The following ERMAP variants were observed in gnomAD, a reference collection of about 807,000 sequenced individuals.
The protein encoded by ERMAP is erythroblast membrane associated protein (Scianna blood group).
In ERMAP, 34 loss-of-function variants were observed where a neutral mutation model predicts 49.5. That is an observed-to-expected ratio of 0.69 (90% CI 0.52 to 0.91). The LOEUF (loss-of-function observed/expected upper bound fraction) is 0.91, where lower values mean the gene tolerates loss of function less well. Among genes scored for constraint, ERMAP ranks in the 40% least tolerant of loss-of-function variants. The pLI is 0.00. For synonymous variants in ERMAP, 214 were observed against 232.2 expected (o/e 0.92, Z 0.71); for missense variants, 541 against 582.6 (o/e 0.93, Z 0.74).
chr1:42,836,608 C>T (rs1489338134), intron 6 of ERMAP, among the ~76,000 whole-genome samples: 4 of 152,150 alleles, frequency 2.6e-5, no homozygotes, highest in Non-Finnish European at 4.4e-5. Context: ...GTAATCCTAG[C>T]ACTTTGGGAG....
Position 42,843,307 on chromosome 1 carries a change from T to C in ERMAP, c.*75T>C. ...ACTTCAGTCGCCTGGCCCAACCCCA[T>C]GATTATGGAACGTCTCTTCACCTTA... On this transcript the variant is annotated 3_prime_UTR_variant, in exon 12 of 12. Transcript: ENST00000372517. 9.1e-7 allele frequency: 1 copy of C among 1,099,082 alleles called. No homozygotes were observed. The highest frequency in any genetic ancestry group is 1.3e-6 in the Non-Finnish European group (1 of 775,838). 68.1% of individuals were successfully genotyped at this position (1,099,082 alleles called of 1,614,324 possible). A position where few individuals can be genotyped will look rare whatever the true frequency, so the allele number is the denominator to read the frequency against.
At chr1:42,823,086 A>C (rs1654444260) in intron 1 of ERMAP, among the ~76,000 whole-genome samples, 1 of 152,202 alleles carries the variant, frequency 6.6e-6, no homozygotes, top group Admixed American at 6.5e-5. Context: ...GAAAAGGAGC[A>C]TTTCAGTAGC....
chr1:42,823,910 T>A (rs1390939623), intron 1 of ERMAP, among the ~76,000 whole-genome samples: 2 of 152,200 alleles, frequency 1.3e-5, no homozygotes, highest in African/African-American at 4.8e-5. Flanking sequence ...AAAAGGCAAA[T>A]AACGTCTTTA....
chr1:42,820,500 C>T (rs1365887127), intron 1 of ERMAP, among the ~76,000 whole-genome samples: 1 of 151,184 alleles, frequency 6.6e-6, no homozygotes, highest in Admixed American at 6.6e-5. Context: ...ACTCAGATTA[C>T]AGGCATGAGC....
At chr1:42,835,589 ACT>A (rs1189119590) in intron 5 of ERMAP, 141 bp from the exon 6 acceptor site, 4 of 1,050,640 alleles carry the variant, frequency 3.8e-6, no homozygotes, top group African/African-American at 3.3e-5. Context: ...TGGTTTGAAG[ACT>A]CTCTAATCCT....
At chr1:42,835,841 T>A (rs776297208) in intron 6 of ERMAP, 77 bp downstream of exon 6, 2 of 1,530,092 alleles carry the variant, frequency 1.3e-6, no homozygotes, top group African/African-American at 2.8e-5. Flanking sequence ...CCCACTAACC[T>A]GGATTCTGTT....
In ERMAP at chr1:42,838,890, C is replaced by T. The variant is rs530683768; in HGVS notation, c.617-11C>T. Reference sequence around the variant, plus strand: ...TGATCACTCACTCTTCTCTCTCTTTCTGGTTTTTAGGAAAACTCCATAAAG... The same window carrying T: ...TGATCACTCACTCTTCTCTCTCTTTTTGGTTTTTAGGAAAACTCCATAAAG... On this transcript the variant is annotated splice_polypyrimidine_tract_variant and intron_variant, in intron 7 of 11. Coordinates refer to ENST00000372517, the MANE Select transcript of ERMAP (RefSeq NM_001017922.2). 1 of 1,614,164 alleles carries T rather than the reference C, an allele frequency of 6.2e-7. No individual in the cohort carries two copies. The highest frequency in any genetic ancestry group is 2.2e-5 in the East Asian group (1 of 44,890).
chr1:42,827,062 C>T (rs960878349), intron 2 of ERMAP, among the ~76,000 whole-genome samples: 1 of 152,098 alleles, frequency 6.6e-6, no homozygotes, highest in Non-Finnish European at 1.5e-5. Context: ...AATTCTATGT[C>T]CATGATGGAA....
At chr1:42,831,648 A>G (rs536280703) in intron 4 of ERMAP, among the ~76,000 whole-genome samples, 11 of 139,290 alleles carry the variant, frequency 7.9e-5, no homozygotes, top group Admixed American at 4.9e-4. Flanking sequence ...CAGTAGTGCA[A>G]TCATAGCTCA....
chr1:42,825,833 A>T lies in ERMAP; in HGVS notation c.-6+95A>T, dbSNP rs577374956. 3.1e-4 allele frequency: 380 copies of T among 1,235,376 alleles called. 8 individuals carry two copies. In the South Asian group the frequency reaches 5.0e-3, roughly 16 times the overall value. The allele number at this position is 1,235,376 out of a possible 1,614,324, so 76.5% of individuals were successfully genotyped here. On this transcript the variant is annotated intron_variant, in intron 2 of 11. Transcript: ENST00000372517. Reference sequence around the variant, plus strand: ...GAAATAATCCCCTTTCTCCTTACGCACAAGAACATTTTCAAGGGTGAAATG... The same window carrying T: ...GAAATAATCCCCTTTCTCCTTACGCTCAAGAACATTTTCAAGGGTGAAATG...
chr1:42,834,748 G>GT (rs1328620310), intron 4 of ERMAP: 17 of 299,352 alleles, frequency 5.7e-5, no homozygotes, highest in African/African-American at 3.7e-4. Context: ...TAGACACGGA[G>GT]TTTCCCCACA....
In ERMAP at chr1:42,825,695, A is replaced by C. The variant is rs1654523848; in HGVS notation, c.-49A>C. The C allele has an allele frequency of 3.1e-6, 4 of 1,289,244 alleles. No homozygotes were observed. In the African/African-American group the frequency reaches 6.1e-5, roughly 20 times the overall value. The allele number at this position is 1,289,244 out of a possible 1,614,324, so 79.9% of individuals were successfully genotyped here. ...GGAGTGTTCCCAGCTTGCAAACTCCAGCTTTGCCTGTGAGAGGAACAAGCG... is the reference window on the plus strand; with the variant it reads ...GGAGTGTTCCCAGCTTGCAAACTCCCGCTTTGCCTGTGAGAGGAACAAGCG... On this transcript the variant is annotated 5_prime_UTR_variant, in exon 2 of 12. Transcript: ENST00000372517.
At chr1:42,825,805 A>G in intron 2 of ERMAP, 67 bp downstream of exon 2, 1 of 1,284,788 alleles carries the variant, frequency 7.8e-7, no homozygotes, top group Admixed American at 2.3e-5. Context: ...CAGGTTTAGT[A>G]GAGAAATAAT....
chr1:42,832,179 ATTTTTTTTTTTTTT>A (rs75673269), intron 4 of ERMAP, among the ~76,000 whole-genome samples: 10 of 96,704 alleles, frequency 1.0e-4, no homozygotes, highest in Admixed American at 1.2e-4. Context: ...GTGAAAATTA[ATTTTTTTTTTTTTT>A]TTTTTTTTTT....
intron 1 of ERMAP, among the ~76,000 whole-genome samples, chr1:42,822,563 A>G (rs1338375096): frequency 6.6e-6 from 1 of 152,258 alleles, no homozygotes; most frequent in African/African-American, 2.4e-5. Flanking sequence ...ATGTGTAGTG[A>G]TCAGATCAGG....
chr1:42,842,949 C>T lies in ERMAP; in HGVS notation c.1145C>T (p.Thr382Ile). 6.2e-7 allele frequency: 1 copy of T among 1,614,222 alleles called. No individual in the cohort carries two copies. Among genetic ancestry groups the T allele is most frequent in the Non-Finnish European group, 8.5e-7 (1 of 1,180,036 alleles). Reference sequence around the variant, plus strand: ...GTGACCAACAAGTCCCACATCTTTACTTTCACCCACAATTTCTCTGGCCCC... The same window carrying T: ...GTGACCAACAAGTCCCACATCTTTATTTTCACCCACAATTTCTCTGGCCCC... ...YNVTNKSHIF[T>I]FTHNFSGPLR... The change falls in exon 12 of 12, where the codon ACT (threonine) becomes ATT (isoleucine). Residue 382 changes from threonine (T) to isoleucine (I), a missense_variant. By Grantham distance (89) the Thr-to-Ile change is moderately conservative. Coordinates refer to ENST00000372517, the MANE Select transcript of ERMAP (RefSeq NM_001017922.2).
At chr1:42,828,067 A>G (rs945289003) in intron 2 of ERMAP, among the ~76,000 whole-genome samples, 5 of 151,844 alleles carry the variant, frequency 3.3e-5, no homozygotes, top group Admixed American at 1.3e-4. Flanking sequence ...ACAGCCATTA[A>G]TAGGATGTTG....
intron 6 of ERMAP, chr1:42,836,843 T>TA (rs1275951195): frequency 4.9e-5 from 11 of 222,624 alleles, no homozygotes; most frequent in East Asian, 4.5e-4. Context: ...GGCAGATTTT[T>TA]AAAAAAAATC....
Position 42,825,733 on chromosome 1 carries a change from A to C in ERMAP, c.-11A>C, listed in dbSNP as rs1010902698. 1.2e-5 allele frequency: 16 copies of C among 1,289,260 alleles called. No homozygotes were observed. Among genetic ancestry groups the C allele is most frequent in the Middle Eastern group, 2.1e-4 (1 of 4,718 alleles). The allele number at this position is 1,289,260 out of a possible 1,614,324, so 79.9% of individuals were successfully genotyped here. The stretch of plus-strand genomic sequence containing the variant: ...AGAGGAACAAGCGTCCCTGATCCAG[A>C]AGGTGGTGAGTCCTCCTCTCTCTCT... On this transcript the variant is annotated 5_prime_UTR_variant, in exon 2 of 12. Coordinates refer to ENST00000372517, the MANE Select transcript of ERMAP (RefSeq NM_001017922.2).
Sources: allele counts gnomAD v4.1 joint callset (sites outside exome capture counted in the v4.1 genomes callset), GRCh38; gene constraint gnomAD v4.1.1; transcripts MANE v1.5; gene names NCBI Gene and HGNC (gene_info 2026-07-23, HGNC 2026-07-21).